Variants in ANK3 observed in about 807,000 individuals in gnomAD.
ANK3 encodes the protein ankyrin-3.
A neutral mutation model predicts 370.9 loss-of-function variants in ANK3; 57 were observed. That is an observed-to-expected ratio of 0.15 (90% confidence interval 0.12 to 0.19). The LOEUF (loss-of-function observed/expected upper bound fraction) is 0.19, where lower values mean the gene tolerates loss of function less well. Ranked by LOEUF, ANK3 falls within the 10% of genes least tolerant of loss-of-function variation. The pLI is 1.00. For missense variants in ANK3, 4,439 were observed against 5,302.1 expected (o/e 0.84, Z 5.06); for synonymous variants, 1,929 against 1,946.3 (o/e 0.99, Z 0.23).
intron 9 of ANK3, among the ~76,000 whole-genome samples, chr10:60,211,892 CAAAAAAAA>C (rs72238553): frequency 1.5e-4 from 14 of 93,388 alleles, no homozygotes; most frequent in African/African-American, 4.8e-4. Flanking sequence ...AATACAGAGC[CAAAAAAAA>C]AAAAAAAAAA....
intron 2 of ANK3, among the ~76,000 whole-genome samples, chr10:60,440,450 C>T (rs1281760643): frequency 6.6e-6 from 1 of 152,118 alleles, no homozygotes; most frequent in Non-Finnish European, 1.5e-5. Context: ...AGTTCTTCAA[C>T]CAAGAGTTCT....
At chr10:60,552,511 C>T (rs1221224153) in intron 2 of ANK3, among the ~76,000 whole-genome samples, 4 of 152,236 alleles carry the variant, frequency 2.6e-5, no homozygotes, top group Non-Finnish European at 5.9e-5. Flanking sequence ...TCTTGGACAC[C>T]TTGTGAATTT....
chr10:60,509,060 A>G (rs2076012249), intron 2 of ANK3, among the ~76,000 whole-genome samples: 1 of 152,144 alleles, frequency 6.6e-6, no homozygotes, highest in Non-Finnish European at 1.5e-5. Flanking sequence ...ATGTAGTTCT[A>G]GGGCAACTGG....
At chr10:60,209,969 T>C (rs2096826835) in intron 9 of ANK3, among the ~76,000 whole-genome samples, 1 of 151,980 alleles carries the variant, frequency 6.6e-6, no homozygotes, top group African/African-American at 2.4e-5. Context: ...ATCTGCCCTA[T>C]GGAAAGAGGT....
intron 2 of ANK3, among the ~76,000 whole-genome samples, chr10:60,610,777 T>A (rs1234471333): frequency 6.6e-6 from 1 of 152,224 alleles, no homozygotes. Flanking sequence ...AAGAAAATAC[T>A]GTGATAACAG....
intron 24 of ANK3, among the ~76,000 whole-genome samples, chr10:60,135,406 T>C (rs2094293594): frequency 6.6e-6 from 1 of 152,244 alleles, no homozygotes; most frequent in Non-Finnish European, 1.5e-5. Flanking sequence ...CTCCTTGGAA[T>C]AGAGCTGCAG....
intron 1 of ANK3, among the ~76,000 whole-genome samples, chr10:60,641,060 A>G (rs2078625686): frequency 6.6e-6 from 1 of 151,056 alleles, no homozygotes; most frequent in Admixed American, 6.6e-5. Flanking sequence ...ATACCTAGGA[A>G]TTCAACTTAC....
At chr10:60,035,771 C>T (rs2074827557) in intron 43 of ANK3, among the ~76,000 whole-genome samples, 2 of 151,186 alleles carry the variant, frequency 1.3e-5, no homozygotes, top group South Asian at 4.2e-4. Flanking sequence ...AGGCAGATTA[C>T]CTGAGGTCGG....
At position 60,177,309 on chromosome 10, in the gene ANK3, T is replaced by C. The variant is rs2095996197; in HGVS notation, c.2184+4020A>G. 2.0e-5 allele frequency among the ~76,000 whole-genome samples: 3 copies of C among 152,234 alleles called. No homozygotes were observed. In the South Asian group the frequency reaches 6.2e-4, roughly 31 times the overall value. On this transcript the variant is annotated intron_variant, in intron 18 of 43. Coordinates refer to ENST00000280772, the MANE Select transcript of ANK3 (RefSeq NM_020987.5). The stretch of plus-strand genomic sequence containing the variant: ...GTGTCAGCTAATACCTTGACTGTGA[T>C]GATTCCGAAATCTGCATCTTTAGTC...
Position 60,069,960 on chromosome 10 carries a change from C to T in ANK3, c.10921G>A (p.Gly3641Arg). 6.2e-7 allele frequency: 1 copy of T among 1,614,078 alleles called. No individual in the cohort carries two copies. Among genetic ancestry groups the T allele is most frequent in the Non-Finnish European group, 8.5e-7 (1 of 1,179,998 alleles). ...FFQIGEHTSE[G>R]KSGDQGEGDK... Reference sequence around the variant, plus strand: ...CCTTCCCCCTGGTCCCCTGACTTCCCTTCAGAAGTATGCTCACCAATCTGG... The same window carrying T: ...CCTTCCCCCTGGTCCCCTGACTTCCTTTCAGAAGTATGCTCACCAATCTGG... Residue 3641 changes from glycine to arginine, a missense_variant, in exon 37 of 44, where the codon GGG becomes AGG. This residue lies in a region of ANK3 where 496 missense variants were observed against 529.3 expected (regional missense o/e 0.94). Transcript: ENST00000280772.
At chr10:60,311,198 C>G (rs1007934618) in intron 1 of ANK3, among the ~76,000 whole-genome samples, 2 of 152,126 alleles carry the variant, frequency 1.3e-5, no homozygotes, top group Non-Finnish European at 2.9e-5. Flanking sequence ...CTGTTGGCTA[C>G]TGGGTCAAAA....
chr10:60,363,771 T>C lies in ANK3; in HGVS notation c.114+25654A>G, dbSNP rs148001998. On this transcript the variant is annotated intron_variant, in intron 1 of 43. Transcript: ENST00000280772. ...GAATCACAGAACAAAAGAGTAAATATGATGTACATATCAAAAATGAGAATG... is the reference window on the plus strand; with the variant it reads ...GAATCACAGAACAAAAGAGTAAATACGATGTACATATCAAAAATGAGAATG... 2.0e-5 allele frequency among the ~76,000 whole-genome samples: 3 copies of C among 152,238 alleles called. No individual in the cohort carries two copies. In the East Asian group the frequency reaches 5.8e-4, roughly 29 times the overall value.
intron 2 of ANK3, among the ~76,000 whole-genome samples, chr10:60,603,435 G>A (rs572278648): frequency 1.3e-5 from 2 of 152,082 alleles, no homozygotes; most frequent in East Asian, 3.9e-4. Flanking sequence ...TCTTCCTATA[G>A]TAGGCCAAAT....
chr10:60,707,122 A>G (rs1033473651), intron 1 of ANK3, among the ~76,000 whole-genome samples: 1 of 152,228 alleles, frequency 6.6e-6, no homozygotes, highest in African/African-American at 2.4e-5. Flanking sequence ...ATTTTTAAAA[A>G]ACCAACAATC....
intron 43 of ANK3, among the ~76,000 whole-genome samples, chr10:60,040,320 T>C (rs2075862954): frequency 6.6e-6 from 1 of 152,058 alleles, no homozygotes; most frequent in Non-Finnish European, 1.5e-5. Context: ...GCAGCCAGCA[T>C]GACTATAAAA....
At chr10:60,103,505 T>C (rs2091673431) in intron 28 of ANK3, among the ~76,000 whole-genome samples, 1 of 151,788 alleles carries the variant, frequency 6.6e-6, no homozygotes, top group Admixed American at 6.6e-5. Flanking sequence ...TTTTGGCTGG[T>C]CTGCTTTTGA....
At chr10:60,323,227 A>G (rs2049053274) in intron 1 of ANK3, among the ~76,000 whole-genome samples, 1 of 152,164 alleles carries the variant, frequency 6.6e-6, no homozygotes, top group Admixed American at 6.5e-5. Context: ...ATACCTCAAA[A>G]CAAATGTCTG....
chr10:60,368,931 CA>C (rs1385657595), intron 1 of ANK3, among the ~76,000 whole-genome samples: 1 of 152,136 alleles, frequency 6.6e-6, no homozygotes, highest in Non-Finnish European at 1.5e-5. Flanking sequence ...CTTCAAGTAG[CA>C]GGGGGATACT....
chr10:60,409,911 G>A (rs532460699), intron 2 of ANK3, among the ~76,000 whole-genome samples: 117 of 152,094 alleles, frequency 7.7e-4, no homozygotes, highest in African/African-American at 2.5e-3. Context: ...CTTTTATCAC[G>A]GATCACGTGC....
Sources: gnomAD v4.1 joint callset for allele counts (sites outside exome capture counted in the v4.1 genomes callset) on GRCh38, gnomAD v4.1.1 for gene constraint, gnomAD v4.1.1 regional missense constraint, MANE v1.5 for transcripts, NCBI Gene and HGNC (gene_info 2026-07-23, HGNC 2026-07-21) for gene names.